The following CTNND2 variants were observed in gnomAD, a reference collection of about 807,000 sequenced individuals.
CTNND2 encodes the protein catenin delta 2.
In CTNND2, 22 loss-of-function variants were observed where a neutral mutation model predicts 144.4. The observed-to-expected ratio is 0.15, with a 90% CI of 0.11 to 0.22. The LOEUF is 0.22. CTNND2 is among the 10% of genes least tolerant of loss of function. The pLI is 1.00. For synonymous variants in CTNND2, 751 were observed against 695.6 expected (o/e 1.08, Z -1.25); for missense variants, 1,353 against 1,618.8 (o/e 0.84, Z 2.82).
At chr5:11,053,723 T>TTAAAA (rs10659235) in intron 16 of CTNND2, among the ~76,000 whole-genome samples, 6,407 of 152,246 alleles carry the variant, frequency 0.042, 473 homozygotes, top group African/African-American at 0.15. Context: ...TTTTTTCCTC[T>TTAAAA]TAAAGGAATA....
chr5:11,522,060 T>C (rs1772774851), intron 3 of CTNND2, among the ~76,000 whole-genome samples: 2 of 152,190 alleles, frequency 1.3e-5, no homozygotes. Context: ...GCAGACACAG[T>C]GCATGATTAT....
intron 9 of CTNND2, among the ~76,000 whole-genome samples, chr5:11,261,151 T>C (rs1744820572): frequency 6.6e-6 from 1 of 152,160 alleles, no homozygotes; most frequent in South Asian, 2.1e-4. Context: ...GGGTTTCCTC[T>C]ACTCTAACAA....
At chr5:11,677,999 C>A (rs773605112) in intron 2 of CTNND2, among the ~76,000 whole-genome samples, 1 of 151,996 alleles carries the variant, frequency 6.6e-6, no homozygotes, top group African/African-American at 2.4e-5. Context: ...AGGTAGTGAA[C>A]CAAAAAGAGG....
intron 3 of CTNND2, among the ~76,000 whole-genome samples, chr5:11,551,432 C>CTTTTTTTTTTTTT (rs70949326): frequency 6.5e-4 from 66 of 100,890 alleles, no homozygotes; most frequent in East Asian, 2.0e-3. Flanking sequence ...TTTCTTTTTT[C>CTTTTTTTTTTTTT]TTTTTTTTTT....
intron 18 of CTNND2, among the ~76,000 whole-genome samples, chr5:10,997,520 A>T (rs896277867): frequency 2.6e-5 from 4 of 151,556 alleles, no homozygotes; most frequent in African/African-American, 9.7e-5. Context: ...TGAAGCTGGG[A>T]GGCGGAGATT....
At chr5:11,662,417 TG>T (rs1783319860) in intron 2 of CTNND2, among the ~76,000 whole-genome samples, 1 of 151,678 alleles carries the variant, frequency 6.6e-6, no homozygotes, top group African/African-American at 2.4e-5. Flanking sequence ...CTGAAGAACT[TG>T]GAGTCCAATG....
intron 2 of CTNND2, among the ~76,000 whole-genome samples, chr5:11,605,302 T>C (rs1225110560): frequency 1.3e-5 from 2 of 152,236 alleles, no homozygotes; most frequent in South Asian, 2.1e-4. Flanking sequence ...TTTATGTCAA[T>C]GTGCTGAACA....
At chr5:10,997,395 C>G (rs1241568418) in intron 18 of CTNND2, among the ~76,000 whole-genome samples, 2 of 151,962 alleles carry the variant, frequency 1.3e-5, no homozygotes, top group Non-Finnish European at 2.9e-5. Flanking sequence ...AGATCAAGAC[C>G]ATTCTGGCCA....
At chr5:11,325,147 C>T (rs1238223931) in intron 9 of CTNND2, among the ~76,000 whole-genome samples, 1 of 152,046 alleles carries the variant, frequency 6.6e-6, no homozygotes, top group Non-Finnish European at 1.5e-5. Context: ...TGCAGGCTTA[C>T]GAAAGGCTTG....
chr5:11,242,092 C>T (rs1742515530), intron 9 of CTNND2, among the ~76,000 whole-genome samples: 1 of 151,960 alleles, frequency 6.6e-6, no homozygotes, highest in South Asian at 2.1e-4. Flanking sequence ...ATCATTCATT[C>T]AAATACAAAA....
intron 1 of CTNND2, among the ~76,000 whole-genome samples, chr5:11,809,774 C>T (rs1792217878): frequency 6.6e-6 from 1 of 152,208 alleles, no homozygotes; most frequent in African/African-American, 2.4e-5. Flanking sequence ...ACTGACTAGT[C>T]TCTTGTCAAA....
At chr5:11,246,581 T>C (rs111557779) in intron 9 of CTNND2, among the ~76,000 whole-genome samples, 6 of 152,166 alleles carry the variant, frequency 3.9e-5, no homozygotes, top group African/African-American at 1.2e-4. Flanking sequence ...GATTTTGGTC[T>C]GGCAGAATCA....
intron 16 of CTNND2, among the ~76,000 whole-genome samples, chr5:11,030,754 G>GT (rs61312361): frequency 0.058 from 5,859 of 100,566 alleles, 207 homozygotes; most frequent in African/African-American, 0.11. Context: ...TATGGTTTCT[G>GT]TTTTTTTTTT....
intron 2 of CTNND2, among the ~76,000 whole-genome samples, chr5:11,683,913 A>G (rs999084077): frequency 6.6e-6 from 1 of 152,120 alleles, no homozygotes; most frequent in Non-Finnish European, 1.5e-5. Context: ...AAGGGTTTTG[A>G]GGAAATAAAC....
chr5:11,677,463 CTTTCAACAG>C (rs1784227235), intron 2 of CTNND2, among the ~76,000 whole-genome samples: 1 of 152,152 alleles, frequency 6.6e-6, no homozygotes, highest in Admixed American at 6.5e-5. Flanking sequence ...CTGAAGTTTT[CTTTCAACAG>C]ATCTGACTGG....
At chr5:11,555,067 T>C (rs1238373910) in intron 3 of CTNND2, among the ~76,000 whole-genome samples, 1 of 152,118 alleles carries the variant, frequency 6.6e-6, no homozygotes, top group Non-Finnish European at 1.5e-5. Flanking sequence ...ACCAATGAGA[T>C]AAGAACAGTA....
In CTNND2 at chr5:11,229,500, G is replaced by A. The variant is rs140329168; in HGVS notation, c.1761+7191C>T. On this transcript the variant is annotated intron_variant, in intron 10 of 21. Coordinates refer to ENST00000304623, the MANE Select transcript of CTNND2 (RefSeq NM_001332.4). ...TGCACACCACTGCACTCCAGCCTGG[G>A]TGACAGAAACAGGCCTTGTCTCTAA... 9.6e-3 allele frequency among the ~76,000 whole-genome samples: 1,464 copies of A among 152,144 alleles called. 9 individuals carry two copies. Among genetic ancestry groups the A allele is most frequent in the Non-Finnish European group, 0.016 (1,070 of 67,990 alleles).
intron 3 of CTNND2, among the ~76,000 whole-genome samples, chr5:11,512,065 G>A (rs1348760623): frequency 6.6e-6 from 1 of 152,124 alleles, no homozygotes; most frequent in African/African-American, 2.4e-5. Flanking sequence ...GAAGGATCCT[G>A]GATTGATCTC....
In CTNND2 at chr5:11,385,064, G is replaced by A; in HGVS notation, c.778C>T (p.Pro260Ser). 1.8e-6 allele frequency: 2 copies of A among 1,089,190 alleles called. No individual in the cohort carries two copies. The highest frequency in any genetic ancestry group is 2.2e-6 in the Non-Finnish European group (2 of 902,828). 67.5% of individuals were successfully genotyped at this position (1,089,190 alleles called of 1,614,324 possible). Residue 260 changes from proline to serine, a missense_variant, in exon 7 of 22, where the codon CCC becomes TCC. Pro to Ser is a moderately conservative substitution (Grantham distance 74). This residue lies in a region of CTNND2 where 708 missense variants were observed against 706.4 expected (regional missense o/e 1.00). Coordinates refer to ENST00000304623, the MANE Select transcript of CTNND2 (RefSeq NM_001332.4). ...AALYYSSSTL[P>S]APPRGGSPLA... ...GGGGAGCCCCCGCGCGGCGGCGCGGGCAGCGTGGAGCTGGAGTAGTAGAGC... is the reference window on the plus strand; with the variant it reads ...GGGGAGCCCCCGCGCGGCGGCGCGGACAGCGTGGAGCTGGAGTAGTAGAGC...
Sources: gnomAD v4.1 joint callset for allele counts (sites outside exome capture counted in the v4.1 genomes callset) on GRCh38, gnomAD v4.1.1 for gene constraint, gnomAD v4.1.1 regional missense constraint, MANE v1.5 for transcripts, NCBI Gene and HGNC (gene_info 2026-07-23, HGNC 2026-07-21) for gene names.